The following SLCO4C1 variants were observed in gnomAD, a reference collection of about 807,000 sequenced individuals.
SLCO4C1 encodes solute carrier organic anion transporter family member 4C1, also known as organic anion transporter M1.
Under a neutral mutation model 72.1 loss-of-function variants are expected in SLCO4C1, and 58 were observed. The ratio of observed to expected loss-of-function variants is 0.80; its 90% CI spans 0.65 to 1.00. The LOEUF is 1.00. Among genes scored for constraint, SLCO4C1 ranks in the 50% least tolerant of loss-of-function variants. The probability of loss-of-function intolerance (pLI) is 0.00; values close to 1 mark genes in which losing one functional copy is unlikely to be tolerated. For synonymous variants in SLCO4C1, 297 were observed against 312.5 expected (o/e 0.95, Z 0.52); for missense variants, 898 against 857.9 (o/e 1.05, Z -0.58).
intron 10 of SLCO4C1, among the ~76,000 whole-genome samples, chr5:102,246,759 GA>G (rs1748642763): frequency 6.6e-6 from 1 of 152,116 alleles, no homozygotes; most frequent in African/African-American, 2.4e-5. Flanking sequence ...TACAAGTATG[GA>G]ATGTGTTTGT....
At chr5:102,288,217 C>T (rs1409757473) in intron 2 of SLCO4C1, among the ~76,000 whole-genome samples, 6 of 152,196 alleles carry the variant, frequency 3.9e-5, no homozygotes. Flanking sequence ...GGGATATACA[C>T]TGCAACACTG....
At chr5:102,242,967 T>C (rs1223798698) in intron 10 of SLCO4C1, among the ~76,000 whole-genome samples, 1 of 152,026 alleles carries the variant, frequency 6.6e-6, no homozygotes, top group Non-Finnish European at 1.5e-5. Flanking sequence ...AGCAGGGAGC[T>C]CTCTGCCCTG....
chr5:102,291,646 A>C (rs1749554848), intron 1 of SLCO4C1, 40 bp from the exon 2 acceptor site: 1 of 1,513,844 alleles, frequency 6.6e-7, no homozygotes, highest in African/African-American at 1.4e-5. Context: ...TTAATATTTT[A>C]CCATACGATT....
At chr5:102,283,078 T>G (rs887708757) in intron 2 of SLCO4C1, among the ~76,000 whole-genome samples, 17 of 151,984 alleles carry the variant, frequency 1.1e-4, no homozygotes, top group African/African-American at 3.9e-4. Context: ...AATTATTTTC[T>G]TATCTCGTAA....
At chr5:102,292,259 C>G (rs1181053936) in intron 1 of SLCO4C1, among the ~76,000 whole-genome samples, 1 of 152,064 alleles carries the variant, frequency 6.6e-6, no homozygotes, top group African/African-American at 2.4e-5. Flanking sequence ...GGTAAAGTCC[C>G]GTGAAGCCAG....
At chr5:102,290,054 A>C (rs981180678) in intron 2 of SLCO4C1, among the ~76,000 whole-genome samples, 19 of 152,194 alleles carry the variant, frequency 1.2e-4, no homozygotes, top group African/African-American at 4.3e-4. Flanking sequence ...TAGAAAAGAA[A>C]TTGATTTGGC....
At chr5:102,271,923 G>A (rs745673532) in intron 2 of SLCO4C1, among the ~76,000 whole-genome samples, 9 of 152,096 alleles carry the variant, frequency 5.9e-5, no homozygotes, top group Non-Finnish European at 1.2e-4. Context: ...AAGAAAAGTA[G>A]GTCAGAGGTC....
chr5:102,261,084 G>T (rs434771), intron 5 of SLCO4C1, among the ~76,000 whole-genome samples: 114,453 of 152,164 alleles, frequency 0.75, 43,111 homozygotes, highest in Middle Eastern at 0.84. Context: ...AAAATGAATA[G>T]TCTTTCTTAT....
At position 102,235,639 on chromosome 5, in the gene SLCO4C1, A is replaced by G. The variant is rs1748418098; in HGVS notation, c.*1219T>C. 1 of 152,330 alleles carries G rather than the reference A, an allele frequency of 6.6e-6. No homozygotes were observed. Among genetic ancestry groups the G allele is most frequent in the Admixed American group, 6.5e-5 (1 of 15,284 alleles). The allele number at this position is 152,330 out of a possible 1,614,324, so 9.4% of individuals were successfully genotyped here. On this transcript the variant is annotated 3_prime_UTR_variant, in exon 13 of 13. Transcript: ENST00000310954. ...TGAGCTGAGAGGCAGGTGAGTGAGC[A>G]TTACTGCCTGAGCTCCACCTCTTGT...
chr5:102,235,325 T>A lies in SLCO4C1; in HGVS notation c.*1533A>T, dbSNP rs1748413352. ...AGGGGAAACCTGATGATGAATTTTA[T>A]TAAATTAATAACCCTTATAACAATT... On this transcript the variant is annotated 3_prime_UTR_variant, in exon 13 of 13. Transcript: ENST00000310954. The A allele has an allele frequency of 6.6e-6, 1 of 152,200 alleles. No individual in the cohort carries two copies. Among genetic ancestry groups the A allele is most frequent in the Admixed American group, 6.5e-5 (1 of 15,280 alleles). 9.4% of individuals were successfully genotyped at this position (152,200 alleles called of 1,614,324 possible).
intron 9 of SLCO4C1, among the ~76,000 whole-genome samples, chr5:102,248,584 C>A (rs1346105458): frequency 1.3e-5 from 2 of 152,086 alleles, no homozygotes; most frequent in African/African-American, 2.4e-5. Context: ...GTGACTAAAA[C>A]CCTTCCTAAT....
At position 102,296,225 on chromosome 5, in the gene SLCO4C1, A is replaced by T; in HGVS notation, c.38T>A (p.Val13Asp). The part of the protein sequence containing the change: ...SAKGIENLAF[V>D]PSSPDILRRL... ...GCGCAGGATGTCTGGGCTGGAGGGG[A>T]CAAAAGCCAAGTTCTCAATACCTTT... is the stretch of plus-strand genomic sequence containing the variant. The change falls in exon 1 of 13, where the codon GTC (valine) becomes GAC (aspartate). Residue 13 changes from valine to aspartate, a missense_variant. Coordinates refer to ENST00000310954, the MANE Select transcript of SLCO4C1 (RefSeq NM_180991.5). 6.4e-7 allele frequency: 1 copy of T among 1,571,976 alleles called. No homozygotes were observed.
intron 2 of SLCO4C1, among the ~76,000 whole-genome samples, chr5:102,273,343 T>C (rs1749188291): frequency 6.6e-6 from 1 of 152,116 alleles, no homozygotes; most frequent in Non-Finnish European, 1.5e-5. Context: ...TAAAAAGATA[T>C]GGAGAATCCC....
chr5:102,277,916 C>T (rs1160492769), intron 2 of SLCO4C1, among the ~76,000 whole-genome samples: 1 of 151,966 alleles, frequency 6.6e-6, no homozygotes, highest in Non-Finnish European at 1.5e-5. Flanking sequence ...GTTCAAGCAA[C>T]TCACATTCAG....
chr5:102,287,350 T>C (rs1030750980), intron 2 of SLCO4C1, among the ~76,000 whole-genome samples: 1 of 152,058 alleles, frequency 6.6e-6, no homozygotes, highest in Non-Finnish European at 1.5e-5. Flanking sequence ...TTGAAATTCA[T>C]AAAAAATATT....
At position 102,236,770 on chromosome 5, in the gene SLCO4C1, T is replaced by C; in HGVS notation, c.*88A>G. On this transcript the variant is annotated 3_prime_UTR_variant, in exon 13 of 13. Coordinates refer to ENST00000310954, the MANE Select transcript of SLCO4C1 (RefSeq NM_180991.5). ...AATTTTGTAAATATGATTGTCCATA[T>C]TGGATAGATAATCCTGCCATGGCAA... is the stretch of plus-strand genomic sequence containing the variant. 1 of 1,285,192 alleles carries C rather than the reference T, an allele frequency of 7.8e-7. No homozygotes were observed. Among genetic ancestry groups the C allele is most frequent in the Non-Finnish European group, 1.1e-6 (1 of 911,224 alleles). The allele number at this position is 1,285,192 out of a possible 1,614,324, so 79.6% of individuals were successfully genotyped here.
intron 2 of SLCO4C1, among the ~76,000 whole-genome samples, chr5:102,286,405 T>G (rs1025852322): frequency 1.3e-5 from 2 of 152,076 alleles, no homozygotes; most frequent in African/African-American, 4.8e-5. Context: ...AAAATAACAC[T>G]CATCTAAAAG....
At chr5:102,246,460 A>C (rs1465665238) in intron 10 of SLCO4C1, among the ~76,000 whole-genome samples, 1 of 152,124 alleles carries the variant, frequency 6.6e-6, no homozygotes, top group Non-Finnish European at 1.5e-5. Flanking sequence ...GAAAAATCCA[A>C]AGCCTGAACA....
chr5:102,285,212 T>C (rs199869266), intron 2 of SLCO4C1, among the ~76,000 whole-genome samples: 253 of 147,954 alleles, frequency 1.7e-3, no homozygotes, highest in African/African-American at 5.8e-3. Context: ...TATATATACA[T>C]ACACACACAC....
Sources: allele counts gnomAD v4.1 joint callset (sites outside exome capture counted in the v4.1 genomes callset), GRCh38; gene constraint gnomAD v4.1.1; transcripts MANE v1.5; gene names NCBI Gene and HGNC (gene_info 2026-07-23, HGNC 2026-07-21).